CSMD1: variants seen among roughly 807,000 people sequenced by gnomAD.
The protein encoded by CSMD1 is CUB and sushi domain-containing protein 1.
In CSMD1, 213 loss-of-function variants were observed where a neutral mutation model predicts 417.5. The observed-to-expected ratio is 0.51, with a 90% CI of 0.46 to 0.57. CSMD1 has a LOEUF of 0.57. Ranked by LOEUF, CSMD1 falls within the 20% of genes least tolerant of loss-of-function variation. The pLI, the probability that CSMD1 is intolerant of heterozygous loss-of-function variation, is 0.00. For synonymous variants in CSMD1, 2,862 were observed against 1,736.8 expected, an observed-to-expected ratio of 1.65 and a Z score of -16.11; for missense variants, 6,923 against 4,529.7, an observed-to-expected ratio of 1.53 and a Z score of -15.17.
rs1339600567 is a variant in CSMD1 at position 4,189,648 on chromosome 8, T to G, written c.416-157549A>C. ...CTAGCAAAGACCCTTCTACTGATGTTCTAAACCCTTATTTATCATGGAATG... is the reference window on the plus strand; with the variant it reads ...CTAGCAAAGACCCTTCTACTGATGTGCTAAACCCTTATTTATCATGGAATG... On this transcript the variant is annotated intron_variant, in intron 3 of 69. Transcript: ENST00000635120. Among the ~76,000 whole-genome samples the G allele has an allele frequency of 2.0e-5, 3 of 152,188 alleles. No individual in the cohort carries two copies. The East Asian group carries it at 5.8e-4, about 29-fold the overall frequency.
At chr8:4,094,465 G>A (rs532021433) in intron 3 of CSMD1, among the ~76,000 whole-genome samples, 3 of 152,146 alleles carry the variant, frequency 2.0e-5, no homozygotes, top group Non-Finnish European at 4.4e-5. Flanking sequence ...GGGAGGAATC[G>A]AAGATGATGC....
At chr8:3,917,574 C>T (rs1968321) in intron 5 of CSMD1, among the ~76,000 whole-genome samples, 2 of 151,924 alleles carry the variant, frequency 1.3e-5, no homozygotes, top group Non-Finnish European at 1.5e-5. Context: ...AAAATATTTG[C>T]AACTAGTTGA....
At chr8:3,030,005 T>C (rs1167800255) in intron 50 of CSMD1, among the ~76,000 whole-genome samples, 2 of 152,020 alleles carry the variant, frequency 1.3e-5, no homozygotes, top group African/African-American at 4.8e-5. Flanking sequence ...TCATTGAATG[T>C]AGAAACACAC....
chr8:3,707,883 T>C (rs1359499700), intron 7 of CSMD1, among the ~76,000 whole-genome samples: 1 of 152,194 alleles, frequency 6.6e-6, no homozygotes, highest in Non-Finnish European at 1.5e-5. Flanking sequence ...CTCCCACAGC[T>C]ATTGATCTGG....
chr8:3,492,210 A>T (rs1049727734), intron 11 of CSMD1, among the ~76,000 whole-genome samples: 1 of 152,148 alleles, frequency 6.6e-6, no homozygotes, highest in African/African-American at 2.4e-5. Flanking sequence ...CCATTGCTTC[A>T]GTGGAGTGTT....
chr8:2,941,353 T>C (rs1801860798), intron 69 of CSMD1, among the ~76,000 whole-genome samples: 1 of 152,212 alleles, frequency 6.6e-6, no homozygotes, highest in Non-Finnish European at 1.5e-5. Flanking sequence ...ATCATGACAG[T>C]TTTTCTGTTT....
chr8:4,411,870 T>TC (rs1796666687), intron 3 of CSMD1, among the ~76,000 whole-genome samples: 2 of 152,218 alleles, frequency 1.3e-5, no homozygotes. Flanking sequence ...GCATTTTTTT[T>TC]CACTTTAATG....
intron 2 of CSMD1, among the ~76,000 whole-genome samples, chr8:4,510,717 T>G (rs1802778592): frequency 7.2e-6 from 1 of 138,248 alleles, no homozygotes. Context: ...CCCCTTTCCC[T>G]TCCCTTCCTT....
chr8:4,939,642 G>A (rs1309886898), intron 1 of CSMD1, among the ~76,000 whole-genome samples: 1 of 152,068 alleles, frequency 6.6e-6, no homozygotes, highest in African/African-American at 2.4e-5. Flanking sequence ...AGGGCTGGGG[G>A]TGAGTGGGAA....
chr8:3,504,876 T>C (rs370289167), intron 10 of CSMD1, among the ~76,000 whole-genome samples: 3 of 152,096 alleles, frequency 2.0e-5, no homozygotes, highest in African/African-American at 4.8e-5. Context: ...GTGGCAAATG[T>C]GGCAAGGAAA....
At chr8:4,753,560 C>CATGAT (rs1811481778) in intron 1 of CSMD1, among the ~76,000 whole-genome samples, 1 of 152,090 alleles carries the variant, frequency 6.6e-6, no homozygotes, top group African/African-American at 2.4e-5. Flanking sequence ...ATGATTGCAC[C>CATGAT]TGCCTTCCAT....
intron 3 of CSMD1, among the ~76,000 whole-genome samples, chr8:4,393,010 C>T (rs925678181): frequency 1.3e-5 from 2 of 152,210 alleles, no homozygotes; most frequent in South Asian, 2.1e-4. Flanking sequence ...GAGTGTCACT[C>T]TGTCATCCAG....
intron 1 of CSMD1, among the ~76,000 whole-genome samples, chr8:4,742,431 T>C (rs922260375): frequency 2.0e-5 from 3 of 152,170 alleles, no homozygotes; most frequent in African/African-American, 4.8e-5. Flanking sequence ...GTCATTTTTC[T>C]TATGACTAAG....
At chr8:4,376,289 T>C (rs868804253) in intron 3 of CSMD1, among the ~76,000 whole-genome samples, 1 of 152,194 alleles carries the variant, frequency 6.6e-6, no homozygotes, top group Non-Finnish European at 1.5e-5. Context: ...CCTGTGGCCA[T>C]TGTAGAAAAT....
At chr8:3,915,579 G>C (rs1584957781) in intron 5 of CSMD1, among the ~76,000 whole-genome samples, 1 of 151,280 alleles carries the variant, frequency 6.6e-6, no homozygotes, top group Non-Finnish European at 1.5e-5. Context: ...ATAATAGTCA[G>C]ACATTTAATG....
chr8:3,515,398 A>C (rs1321723121), intron 10 of CSMD1: 2 of 152,332 alleles, frequency 1.3e-5, no homozygotes, highest in East Asian at 3.9e-4. Flanking sequence ...TGATCTTGAA[A>C]ATGTTGGTGA....
intron 5 of CSMD1, among the ~76,000 whole-genome samples, chr8:3,804,539 T>G (rs1416473412): frequency 1.3e-5 from 2 of 152,208 alleles, no homozygotes; most frequent in Non-Finnish European, 2.9e-5. Context: ...CATGTTGCTA[T>G]AAATGAGATT....
chr8:3,743,797 C>A (rs893150758), intron 6 of CSMD1, among the ~76,000 whole-genome samples: 1 of 152,148 alleles, frequency 6.6e-6, no homozygotes, highest in Non-Finnish European at 1.5e-5. Context: ...TTACAGCTGC[C>A]GTCACTCCCT....
intron 3 of CSMD1, among the ~76,000 whole-genome samples, chr8:4,162,900 C>T (rs1237074921): frequency 6.6e-6 from 1 of 152,182 alleles, no homozygotes; most frequent in Non-Finnish European, 1.5e-5. Flanking sequence ...TTGATTTCCC[C>T]TTCCTCCAAC....
Sources: allele counts gnomAD v4.1 joint callset (sites outside exome capture counted in the v4.1 genomes callset), GRCh38; gene constraint gnomAD v4.1.1; transcripts MANE v1.5; gene names NCBI Gene and HGNC (gene_info 2026-07-23, HGNC 2026-07-21).